The following LHFPL2 variants were observed in gnomAD, a reference collection of about 807,000 sequenced individuals.
LHFPL2 encodes the protein LHFPL tetraspan subfamily member 2 protein.
LHFPL2 carries 7 observed loss-of-function variants against 17.5 expected under a neutral mutation model. The ratio of observed to expected loss-of-function variants is 0.40; its 90% CI spans 0.23 to 0.75. LHFPL2 has a LOEUF of 0.75. Ranked by LOEUF, LHFPL2 falls within the 30% of genes least tolerant of loss-of-function variation. The pLI, the probability that LHFPL2 is intolerant of heterozygous loss-of-function variation, is 0.37. For missense variants in LHFPL2, 241 were observed against 294.8 expected, an observed-to-expected ratio of 0.82 and a Z score of 1.34; for synonymous variants, 134 against 116.2, an observed-to-expected ratio of 1.15 and a Z score of -0.99.
At chr5:78,619,187 G>C (rs1469373099) in intron 2 of LHFPL2, among the ~76,000 whole-genome samples, 3 of 152,100 alleles carry the variant, frequency 2.0e-5, no homozygotes, top group African/African-American at 7.2e-5. Flanking sequence ...CACCACACCT[G>C]GCTAATTCTT....
intron 2 of LHFPL2, among the ~76,000 whole-genome samples, chr5:78,586,275 G>C (rs763167859): frequency 2.9e-4 from 44 of 152,154 alleles, no homozygotes; most frequent in Non-Finnish European, 1.3e-4. Context: ...GCTGCTGTGA[G>C]GATTACGTGA....
chr5:78,614,520 G>A (rs1008582707), intron 2 of LHFPL2, among the ~76,000 whole-genome samples: 3 of 152,158 alleles, frequency 2.0e-5, no homozygotes, highest in South Asian at 4.1e-4. Flanking sequence ...ACAGTTATCT[G>A]GCACATAAAC....
chr5:78,541,346 C>A (rs751320756), intron 3 of LHFPL2, among the ~76,000 whole-genome samples: 1 of 152,118 alleles, frequency 6.6e-6, no homozygotes, highest in Non-Finnish European at 1.5e-5. Context: ...TGACCAAGGC[C>A]CCATGGTCTT....
intron 2 of LHFPL2, among the ~76,000 whole-genome samples, chr5:78,579,340 CATTT>C (rs1445155675): frequency 6.6e-6 from 1 of 151,184 alleles, no homozygotes; most frequent in Non-Finnish European, 1.5e-5. Flanking sequence ...TGTTGTTTTT[CATTT>C]ATTTATTATT....
chr5:78,632,758 G>A (rs557100688), intron 1 of LHFPL2, among the ~76,000 whole-genome samples: 53 of 152,312 alleles, frequency 3.5e-4, no homozygotes, highest in African/African-American at 1.2e-3. Context: ...TCGCATTCAC[G>A]ACTTTGATGC....
At chr5:78,524,402 G>A (rs1449424435) in intron 3 of LHFPL2, among the ~76,000 whole-genome samples, 4 of 152,206 alleles carry the variant, frequency 2.6e-5, no homozygotes, top group African/African-American at 9.7e-5. Context: ...TTATTCAAAT[G>A]TCATGCTCTG....
At chr5:78,645,543 TACACACACACACACACACACACACAC>T (rs56911011) in intron 1 of LHFPL2, among the ~76,000 whole-genome samples, 5 of 137,236 alleles carry the variant, frequency 3.6e-5, no homozygotes, top group East Asian at 2.1e-4. Context: ...GACAGATGCA[TACACACACACACACACACACACACAC>T]ACACACACAC....
intron 4 of LHFPL2, chr5:78,490,968 C>T (rs1754425291): frequency 6.6e-6 from 1 of 152,142 alleles, no homozygotes; most frequent in South Asian, 2.1e-4. Flanking sequence ...TCTGGGTTTA[C>T]CCCACCAAAG....
chr5:78,602,879 T>TTGTTTTGTTC (rs1303785598), intron 2 of LHFPL2, among the ~76,000 whole-genome samples: 4 of 145,284 alleles, frequency 2.8e-5, no homozygotes, highest in Non-Finnish European at 5.9e-5. Context: ...AGGTAGGGTT[T>TTGTTTTGTTC]TGTTTTGTTT....
chr5:78,559,146 C>G (rs1182396654), intron 3 of LHFPL2, among the ~76,000 whole-genome samples: 1 of 152,210 alleles, frequency 6.6e-6, no homozygotes, highest in Non-Finnish European at 1.5e-5. Context: ...GTCAGCTGCT[C>G]CAGTGGTGCC....
At chr5:78,490,461 ATCT>A (rs755721168) in intron 4 of LHFPL2, among the ~76,000 whole-genome samples, 6 of 152,192 alleles carry the variant, frequency 3.9e-5, no homozygotes, top group South Asian at 2.1e-4. Context: ...TTGGTAACAG[ATCT>A]TCTTTAGGCC....
At chr5:78,581,544 T>G (rs1743140218) in intron 2 of LHFPL2, among the ~76,000 whole-genome samples, 1 of 152,204 alleles carries the variant, frequency 6.6e-6, no homozygotes, top group South Asian at 2.1e-4. Context: ...TCTACTGAGA[T>G]AATCATGTGG....
chr5:78,540,274 T>C (rs527652761), intron 3 of LHFPL2, among the ~76,000 whole-genome samples: 25 of 152,318 alleles, frequency 1.6e-4, no homozygotes, highest in Non-Finnish European at 2.9e-4. Flanking sequence ...AAGGACTGAA[T>C]TGGGTCACTG....
chr5:78,603,110 T>G (rs999019281), intron 2 of LHFPL2, among the ~76,000 whole-genome samples: 1 of 152,114 alleles, frequency 6.6e-6, no homozygotes, highest in African/African-American at 2.4e-5. Context: ...GCCAGGATGG[T>G]CTCGATCTGC....
chr5:78,570,651 T>TATATAC (rs1756976226), intron 2 of LHFPL2, among the ~76,000 whole-genome samples: 1 of 139,130 alleles, frequency 7.2e-6, no homozygotes, highest in African/African-American at 3.0e-5. Flanking sequence ...TATATATACG[T>TATATAC]ATATATATAT....
intron 4 of LHFPL2, among the ~76,000 whole-genome samples, chr5:78,506,412 C>T (rs764516786): frequency 3.3e-5 from 5 of 152,212 alleles, no homozygotes; most frequent in African/African-American, 4.8e-5. Flanking sequence ...AGCCTCCTTT[C>T]TCACCATTTG....
intron 2 of LHFPL2, among the ~76,000 whole-genome samples, chr5:78,628,009 T>C (rs1477309069): frequency 1.3e-5 from 2 of 152,166 alleles, no homozygotes; most frequent in Non-Finnish European, 2.9e-5. Context: ...TCAGGACTTA[T>C]AGCAACTAAC....
intron 2 of LHFPL2, among the ~76,000 whole-genome samples, chr5:78,606,485 C>A (rs1744215755): frequency 6.6e-6 from 1 of 152,178 alleles, no homozygotes; most frequent in Non-Finnish European, 1.5e-5. Flanking sequence ...TTAAAAGGCA[C>A]TAATGGAACA....
Position 78,632,265 on chromosome 5 carries a change from T to A in LHFPL2, c.-246A>T, listed in dbSNP as rs541889334. 1 of 152,344 alleles carries A rather than the reference T, an allele frequency of 6.6e-6. No homozygotes were observed. Among genetic ancestry groups the A allele is most frequent in the Admixed American group, 6.5e-5 (1 of 15,300 alleles). The allele number at this position is 152,344 out of a possible 1,614,324, so 9.4% of individuals were successfully genotyped here. A position where few individuals can be genotyped will look rare whatever the true frequency, so the allele number is the denominator to read the frequency against. On this transcript the variant is annotated splice_region_variant and 5_prime_UTR_variant, in exon 2 of 5. Coordinates refer to ENST00000380345, the MANE Select transcript of LHFPL2 (RefSeq NM_005779.3). The stretch of plus-strand genomic sequence containing the variant: ...TATCTAGGTATAAGGACAACCCACC[T>A]GGCTGTGAGCAGTCCCAGGTCCCTC...
Sources: gnomAD v4.1 joint callset for allele counts (sites outside exome capture counted in the v4.1 genomes callset) on GRCh38, gnomAD v4.1.1 for gene constraint, MANE v1.5 for transcripts, NCBI Gene and HGNC (gene_info 2026-07-23, HGNC 2026-07-21) for gene names.